ATRNL1: variants seen among roughly 807,000 people sequenced by gnomAD.
The protein encoded by ATRNL1 is attractin-like protein 1.
In ATRNL1, 95 loss-of-function variants were observed where a neutral mutation model predicts 182.7. The ratio of observed to expected loss-of-function variants is 0.52; its 90% CI spans 0.44 to 0.62. The LOEUF (loss-of-function observed/expected upper bound fraction) is 0.62. Among genes scored for constraint, ATRNL1 ranks in the 20% least tolerant of loss-of-function variants. ATRNL1 has a pLI of 0.00. For synonymous variants in ATRNL1, 576 were observed against 568.3 expected (o/e 1.01, Z -0.19); for missense variants, 1,471 against 1,679.5 (o/e 0.88, Z 2.17).
chr10:115,568,965 T>G (rs969455420), intron 26 of ATRNL1, among the ~76,000 whole-genome samples: 2 of 151,996 alleles, frequency 1.3e-5, no homozygotes, highest in African/African-American at 4.8e-5. Context: ...AAATAATATA[T>G]TTCTGTATTT....
chr10:115,148,747 T>TTG (rs1846082329), intron 5 of ATRNL1, among the ~76,000 whole-genome samples: 1 of 145,214 alleles, frequency 6.9e-6, no homozygotes, highest in Non-Finnish European at 1.5e-5. Flanking sequence ...CAGATGCGTT[T>TTG]TTTTTTTTTT....
At chr10:115,314,550 G>T (rs1854197722) in intron 17 of ATRNL1, among the ~76,000 whole-genome samples, 1 of 152,072 alleles carries the variant, frequency 6.6e-6, no homozygotes, top group Non-Finnish European at 1.5e-5. Context: ...GTGTATGTCT[G>T]TCAGTATCTT....
chr10:115,575,109 C>G (rs1219387420), intron 26 of ATRNL1, among the ~76,000 whole-genome samples: 1 of 151,724 alleles, frequency 6.6e-6, no homozygotes, highest in Non-Finnish European at 1.5e-5. Context: ...CTGTTTATCC[C>G]AAGAATTTAT....
At chr10:115,175,151 T>A (rs1451894154) in intron 8 of ATRNL1, among the ~76,000 whole-genome samples, 1 of 152,036 alleles carries the variant, frequency 6.6e-6, no homozygotes, top group Non-Finnish European at 1.5e-5. Flanking sequence ...ACCTGATTAG[T>A]ATATGTCATC....
chr10:115,448,812 A>G (rs1319718681), intron 21 of ATRNL1, among the ~76,000 whole-genome samples: 1 of 152,118 alleles, frequency 6.6e-6, no homozygotes. Context: ...AAGTAATGGC[A>G]AAAACTGCAA....
chr10:115,094,188 G>T (rs908227707), intron 1 of ATRNL1, 145 bp downstream of exon 1: 2 of 891,260 alleles, frequency 2.2e-6, no homozygotes, highest in Non-Finnish European at 3.0e-6. Flanking sequence ...GCGGGAGCGG[G>T]CGAGAGTGGG....
At chr10:115,718,522 C>T (rs1406317871) in intron 26 of ATRNL1, among the ~76,000 whole-genome samples, 1 of 152,054 alleles carries the variant, frequency 6.6e-6, no homozygotes, top group Non-Finnish European at 1.5e-5. Context: ...CATTGAATTT[C>T]CTGTTGGTCA....
intron 26 of ATRNL1, among the ~76,000 whole-genome samples, chr10:115,595,668 C>T (rs1416274274): frequency 1.3e-5 from 2 of 152,100 alleles, no homozygotes; most frequent in African/African-American, 4.8e-5. Flanking sequence ...ATATTTGATT[C>T]ATTTGAGTCT....
chr10:115,650,346 T>C (rs1289814456), intron 26 of ATRNL1, among the ~76,000 whole-genome samples: 9 of 149,562 alleles, frequency 6.0e-5, no homozygotes, highest in Non-Finnish European at 1.3e-4. Flanking sequence ...TTTCAAATCA[T>C]GGAGGCATTG....
chr10:115,215,638 T>A, intron 8 of ATRNL1, 59 bp from the exon 9 acceptor site: 1 of 1,286,268 alleles, frequency 7.8e-7, no homozygotes, highest in Non-Finnish European at 1.1e-6. Flanking sequence ...TTTGGTGATA[T>A]ATTAGTTATA....
intron 27 of ATRNL1, among the ~76,000 whole-genome samples, chr10:115,780,320 C>T (rs1402404432): frequency 1.3e-5 from 2 of 152,174 alleles, no homozygotes; most frequent in African/African-American, 2.4e-5. Flanking sequence ...TGAGTATTAG[C>T]AAGCCTCAAC....
At chr10:115,170,250 T>G (rs953117804) in intron 7 of ATRNL1, among the ~76,000 whole-genome samples, 6 of 152,192 alleles carry the variant, frequency 3.9e-5, no homozygotes, top group Non-Finnish European at 8.8e-5. Flanking sequence ...AGGTATAATG[T>G]TAGCTGTGAG....
chr10:115,155,265 T>A lies in ATRNL1; in HGVS notation c.830-4775T>A, dbSNP rs1261126449. ...CTTTTTAAAAAATCCATTCAGTCAG[T>A]CTGTGTTTTTTAAGTGGAAGGTTTA... On this transcript the variant is annotated intron_variant, in intron 5 of 28. Coordinates refer to ENST00000355044, the MANE Select transcript of ATRNL1 (RefSeq NM_207303.4). Among the ~76,000 whole-genome samples, 7 of 152,038 alleles carry A rather than the reference T, an allele frequency of 4.6e-5. No individual in the cohort carries two copies. In the East Asian group the frequency reaches 1.4e-3, roughly 29 times the overall value.
At chr10:115,287,441 T>C (rs1383873032) in intron 15 of ATRNL1, among the ~76,000 whole-genome samples, 1 of 152,094 alleles carries the variant, frequency 6.6e-6, no homozygotes. Context: ...AATCATTATT[T>C]AGACAATGAA....
chr10:115,787,223 T>C (rs1005181598), intron 27 of ATRNL1, among the ~76,000 whole-genome samples: 7 of 152,168 alleles, frequency 4.6e-5, no homozygotes, highest in African/African-American at 7.2e-5. Context: ...TTGTTTGTGA[T>C]TGAAGGTCAT....
intron 26 of ATRNL1, among the ~76,000 whole-genome samples, chr10:115,559,665 T>C (rs1554998685): frequency 6.6e-6 from 1 of 152,170 alleles, no homozygotes; most frequent in Non-Finnish European, 1.5e-5. Context: ...AGAATCTCAA[T>C]AGATATAGAG....
intron 24 of ATRNL1, among the ~76,000 whole-genome samples, chr10:115,499,082 A>G (rs115435721): frequency 0.012 from 1,835 of 152,260 alleles, 32 homozygotes; most frequent in African/African-American, 0.041. Context: ...AAATCTGAGA[A>G]TCTTCAAGAA....
At chr10:115,715,165 T>C (rs1947209499) in intron 26 of ATRNL1, among the ~76,000 whole-genome samples, 1 of 152,148 alleles carries the variant, frequency 6.6e-6, no homozygotes, top group Non-Finnish European at 1.5e-5. Context: ...CTTATAAAAA[T>C]ATATACAAAG....
chr10:115,585,450 A>G (rs1555009602), intron 26 of ATRNL1, among the ~76,000 whole-genome samples: 3 of 127,282 alleles, frequency 2.4e-5, no homozygotes. Context: ...GGGTGCATAT[A>G]TATTTAGGAT....
Sources: gnomAD v4.1 joint callset for allele counts (sites outside exome capture counted in the v4.1 genomes callset) on GRCh38, gnomAD v4.1.1 for gene constraint, MANE v1.5 for transcripts, NCBI Gene and HGNC (gene_info 2026-07-23, HGNC 2026-07-21) for gene names.